The following HS6ST3 variants were observed in gnomAD, a reference collection of about 807,000 sequenced individuals.
The protein encoded by HS6ST3 is heparan sulfate 6-O-sulfotransferase 3, also known as heparan-sulfate 6-O-sulfotransferase 3.
HS6ST3 carries 12 observed loss-of-function variants against 36.7 expected under a neutral mutation model. The ratio of observed to expected loss-of-function variants is 0.33; its 90% CI spans 0.21 to 0.53. The LOEUF (loss-of-function observed/expected upper bound fraction) is 0.53, where lower values mean the gene tolerates loss of function less well. HS6ST3 is among the 20% of genes least tolerant of loss of function. The pLI, the probability that HS6ST3 is intolerant of heterozygous loss-of-function variation, is 0.95. For synonymous variants in HS6ST3, 240 were observed against 257.5 expected (o/e 0.93, Z 0.65); for missense variants, 584 against 640.9 (o/e 0.91, Z 0.96).
intron 1 of HS6ST3, among the ~76,000 whole-genome samples, chr13:96,423,898 C>T (rs1228102601): frequency 6.6e-6 from 1 of 152,136 alleles, no homozygotes; most frequent in East Asian, 1.9e-4. Context: ...TGTGGGTTTC[C>T]AACTTGTTTC....
At chr13:96,597,706 C>T (rs1037343065) in intron 1 of HS6ST3, among the ~76,000 whole-genome samples, 3 of 151,636 alleles carry the variant, frequency 2.0e-5, no homozygotes, top group Admixed American at 6.6e-5. Flanking sequence ...TATTTATTTT[C>T]GCATTCGTTT....
intron 1 of HS6ST3, among the ~76,000 whole-genome samples, chr13:96,595,528 T>C (rs11839867): frequency 2.4e-3 from 364 of 152,186 alleles, no homozygotes; most frequent in African/African-American, 8.3e-3. Context: ...GGTAGTCTTA[T>C]TTGGTTTGAA....
intron 1 of HS6ST3, among the ~76,000 whole-genome samples, chr13:96,265,137 A>C (rs1482124359): frequency 2.0e-5 from 3 of 152,166 alleles, no homozygotes. Flanking sequence ...TTTTGAATTG[A>C]AATTGACTTT....
At chr13:96,428,611 A>G (rs1173214531) in intron 1 of HS6ST3, among the ~76,000 whole-genome samples, 1 of 152,128 alleles carries the variant, frequency 6.6e-6, no homozygotes, top group Non-Finnish European at 1.5e-5. Context: ...GACCTCATTT[A>G]ATCTAGTTAC....
intron 1 of HS6ST3, among the ~76,000 whole-genome samples, chr13:96,612,571 A>G (rs1369925259): frequency 6.6e-6 from 1 of 152,182 alleles, no homozygotes; most frequent in African/African-American, 2.4e-5. Context: ...TCTGAAACTT[A>G]AAATGCTCAC....
At chr13:96,429,442 G>T (rs1333267060) in intron 1 of HS6ST3, among the ~76,000 whole-genome samples, 1 of 152,150 alleles carries the variant, frequency 6.6e-6, no homozygotes, top group Non-Finnish European at 1.5e-5. Flanking sequence ...ATTTTTGGGG[G>T]AGTTAACTGA....
intron 1 of HS6ST3, among the ~76,000 whole-genome samples, chr13:96,663,182 C>T (rs1321339850): frequency 6.6e-6 from 1 of 152,168 alleles, no homozygotes; most frequent in Non-Finnish European, 1.5e-5. Context: ...AAGGAGTCTG[C>T]ACCAGCTTCA....
chr13:96,394,077 C>A (rs1396185902), intron 1 of HS6ST3, among the ~76,000 whole-genome samples: 2 of 152,120 alleles, frequency 1.3e-5, no homozygotes, highest in African/African-American at 2.4e-5. Flanking sequence ...CCAAAATATG[C>A]TTTTTTCAGT....
intron 1 of HS6ST3, among the ~76,000 whole-genome samples, chr13:96,332,545 T>G (rs2055076915): frequency 2.0e-5 from 3 of 152,230 alleles, no homozygotes; most frequent in Admixed American, 1.3e-4. Context: ...AAATGTTCCC[T>G]TGTTTTAGGT....
At chr13:96,431,374 C>A (rs374949468) in intron 1 of HS6ST3, among the ~76,000 whole-genome samples, 3 of 152,306 alleles carry the variant, frequency 2.0e-5, no homozygotes, top group South Asian at 4.1e-4. Flanking sequence ...TTGTCAGTCT[C>A]TCCAGAGTGA....
At chr13:96,284,298 C>CTG (rs2054789825) in intron 1 of HS6ST3, among the ~76,000 whole-genome samples, 1 of 152,130 alleles carries the variant, frequency 6.6e-6, no homozygotes, top group Non-Finnish European at 1.5e-5. Context: ...CCACAATAGG[C>CTG]TGTCTGCAAG....
intron 1 of HS6ST3, among the ~76,000 whole-genome samples, chr13:96,681,819 G>T (rs910048873): frequency 1.3e-5 from 2 of 151,986 alleles, no homozygotes; most frequent in African/African-American, 4.8e-5. Flanking sequence ...GCCATTTATT[G>T]AACCATCCTT....
intron 1 of HS6ST3, among the ~76,000 whole-genome samples, chr13:96,721,160 C>T (rs1479665565): frequency 6.6e-6 from 1 of 152,188 alleles, no homozygotes; most frequent in Non-Finnish European, 1.5e-5. Flanking sequence ...TATTGAAGAG[C>T]AAGGTGTTCA....
chr13:96,515,837 G>C, intron 1 of HS6ST3, among the ~76,000 whole-genome samples: 1 of 152,094 alleles, frequency 6.6e-6, no homozygotes, highest in East Asian at 1.9e-4. Flanking sequence ...CCCAGCCTTA[G>C]GTATGTCTTT....
At chr13:96,205,064 A>G (rs2054362986) in intron 1 of HS6ST3, among the ~76,000 whole-genome samples, 1 of 151,324 alleles carries the variant, frequency 6.6e-6, no homozygotes, top group African/African-American at 2.4e-5. Context: ...TTTTGAAAAA[A>G]TTAAAAAATA....
intron 1 of HS6ST3, among the ~76,000 whole-genome samples, chr13:96,154,555 G>C (rs543271811): frequency 1.3e-5 from 2 of 152,108 alleles, no homozygotes; most frequent in Admixed American, 6.5e-5. Flanking sequence ...CTTACTCTTA[G>C]TATTAAATAA....
At chr13:96,578,045 CG>C (rs2056328213) in intron 1 of HS6ST3, among the ~76,000 whole-genome samples, 1 of 152,150 alleles carries the variant, frequency 6.6e-6, no homozygotes, top group Admixed American at 6.5e-5. Flanking sequence ...GCCCAAGAAT[CG>C]GGCTGGTTAA....
intron 1 of HS6ST3, among the ~76,000 whole-genome samples, chr13:96,501,624 T>C (rs1434826574): frequency 1.3e-5 from 2 of 152,220 alleles, no homozygotes; most frequent in Non-Finnish European, 2.9e-5. Flanking sequence ...TTGAACAAAG[T>C]TCTGCCACAG....
chr13:96,620,223 T>G (rs993241180), intron 1 of HS6ST3, among the ~76,000 whole-genome samples: 2 of 152,216 alleles, frequency 1.3e-5, no homozygotes, highest in African/African-American at 2.4e-5. Context: ...TTACAACCAA[T>G]GCTTCTGCAC....
Sources: allele counts gnomAD v4.1 joint callset (sites outside exome capture counted in the v4.1 genomes callset), GRCh38; gene constraint gnomAD v4.1.1; transcripts MANE v1.5; gene names NCBI Gene and HGNC (gene_info 2026-07-23, HGNC 2026-07-21).